Variants in XIRP2 observed in about 807,000 individuals in gnomAD.
XIRP2 encodes xin actin-binding repeat-containing protein 2.
In XIRP2, 236 loss-of-function variants were observed where a neutral mutation model predicts 277.0. The ratio of observed to expected loss-of-function variants is 0.85; its 90% confidence interval spans 0.77 to 0.95. The LOEUF (loss-of-function observed/expected upper bound fraction) is 0.95, where lower values mean the gene tolerates loss of function less well. Among genes scored for constraint, XIRP2 ranks in the 40% least tolerant of loss-of-function variants. The probability of loss-of-function intolerance (pLI) is 0.00; values close to 1 mark genes in which losing one functional copy is unlikely to be tolerated. For synonymous variants in XIRP2, 1,490 were observed against 1,416.5 expected (o/e 1.05, Z -1.17); for missense variants, 4,640 against 4,157.5 (o/e 1.12, Z -3.19).
intron 2 of XIRP2, among the ~76,000 whole-genome samples, chr2:167,105,358 C>T (rs1471548046): frequency 6.6e-6 from 1 of 151,866 alleles, no homozygotes; most frequent in African/African-American, 2.4e-5. Flanking sequence ...GATCTGTTCT[C>T]CTTTTCCATA....
At chr2:167,132,131 C>T (rs899768503) in intron 2 of XIRP2, among the ~76,000 whole-genome samples, 12 of 152,170 alleles carry the variant, frequency 7.9e-5, no homozygotes, top group Admixed American at 2.0e-4. Context: ...CATCATCATT[C>T]TTTCTTTAAG....
chr2:167,220,648 A>C (rs1233893548), intron 5 of XIRP2, among the ~76,000 whole-genome samples: 2 of 152,192 alleles, frequency 1.3e-5, no homozygotes, highest in Non-Finnish European at 2.9e-5. Context: ...TTTTCCCAGA[A>C]GTCCCAAGAA....
At chr2:166,913,283 C>G (rs1684763245) in intron 2 of XIRP2, among the ~76,000 whole-genome samples, 1 of 149,080 alleles carries the variant, frequency 6.7e-6, no homozygotes, top group Non-Finnish European at 1.5e-5. Flanking sequence ...ACTTTGTTTA[C>G]CTACTTAAGC....
At chr2:166,909,192 A>G (rs1020783180) in intron 2 of XIRP2, among the ~76,000 whole-genome samples, 4 of 152,182 alleles carry the variant, frequency 2.6e-5, no homozygotes, top group African/African-American at 9.7e-5. Flanking sequence ...CATTGAATCT[A>G]TAAATTACCT....
At position 166,903,740 on chromosome 2, in the gene XIRP2, C is replaced by T; in HGVS notation, c.258C>T (p.Asn86=). The change falls in exon 2 of 11, where the codon AAC becomes AAT. Residue 86 remains asparagine, a synonymous_variant. Coordinates refer to ENST00000409195, the MANE Select transcript of XIRP2 (RefSeq NM_152381.6). ...EEKDSVDKSN[N]TREYGRPEVL... is the part of the protein sequence containing the mutation. ...AGGATTCTGTGGACAAGAGTAACAACACCAGGGAATATGGTCGGCCAGAAG... is the reference window on the plus strand; with the variant it reads ...AGGATTCTGTGGACAAGAGTAACAATACCAGGGAATATGGTCGGCCAGAAG... 3 of 1,613,666 alleles carry T rather than the reference C, an allele frequency of 1.9e-6. No homozygotes were observed. The highest frequency in any genetic ancestry group is 8.5e-7 in the Non-Finnish European group (1 of 1,179,798).
chr2:167,208,544 G>C (rs995203694), intron 3 of XIRP2, among the ~76,000 whole-genome samples: 2 of 152,098 alleles, frequency 1.3e-5, no homozygotes, highest in African/African-American at 4.8e-5. Context: ...TCCTGACCTC[G>C]TGATCTGCCC....
At chr2:167,098,627 G>T (rs952368672) in intron 2 of XIRP2, among the ~76,000 whole-genome samples, 1 of 152,138 alleles carries the variant, frequency 6.6e-6, no homozygotes. Context: ...GAGGCATTCT[G>T]GTTTTGGAAT....
At chr2:167,174,519 G>A (rs1028056687) in intron 3 of XIRP2, among the ~76,000 whole-genome samples, 2 of 151,714 alleles carry the variant, frequency 1.3e-5, no homozygotes, top group African/African-American at 4.8e-5. Flanking sequence ...TTCTTTATTA[G>A]TCTGGCTAGC....
At chr2:167,030,609 T>C (rs1012960278) in intron 2 of XIRP2, among the ~76,000 whole-genome samples, 1 of 152,242 alleles carries the variant, frequency 6.6e-6, no homozygotes, top group Non-Finnish European at 1.5e-5. Context: ...TTGCATTTGC[T>C]GAGGAGTGTT....
At chr2:167,133,828 A>G (rs182241583) in intron 2 of XIRP2, among the ~76,000 whole-genome samples, 1 of 152,314 alleles carries the variant, frequency 6.6e-6, no homozygotes, top group East Asian at 1.9e-4. Context: ...GAACTGAGAT[A>G]AGGATGTTAT....
intron 2 of XIRP2, among the ~76,000 whole-genome samples, chr2:167,098,095 G>A (rs1250556508): frequency 2.0e-5 from 3 of 152,164 alleles, no homozygotes; most frequent in Admixed American, 1.3e-4. Flanking sequence ...ATGTTGGCCT[G>A]TCTTGCTAGG....
At chr2:167,014,804 A>G (rs1050031985) in intron 2 of XIRP2, among the ~76,000 whole-genome samples, 1 of 151,792 alleles carries the variant, frequency 6.6e-6, no homozygotes, top group Non-Finnish European at 1.5e-5. Flanking sequence ...GTTCTATTTT[A>G]CAGTTAAGAA....
chr2:167,144,343 C>T (rs557692309), intron 3 of XIRP2, among the ~76,000 whole-genome samples: 1 of 152,178 alleles, frequency 6.6e-6, no homozygotes, highest in African/African-American at 2.4e-5. Context: ...TTATTTACAA[C>T]TTCCTAACTG....
intron 2 of XIRP2, among the ~76,000 whole-genome samples, chr2:167,038,520 A>G (rs1384514448): frequency 1.3e-5 from 2 of 150,766 alleles, no homozygotes; most frequent in Non-Finnish European, 2.9e-5. Context: ...CAGAAATTCT[A>G]TCCAGAGAAA....
At chr2:167,017,650 T>G (rs912107340) in intron 2 of XIRP2, among the ~76,000 whole-genome samples, 2 of 151,964 alleles carry the variant, frequency 1.3e-5, no homozygotes, top group African/African-American at 4.8e-5. Context: ...GTGATGCCAT[T>G]CCTGCTTCCA....
chr2:166,916,282 G>A (rs1684876963), intron 2 of XIRP2, among the ~76,000 whole-genome samples: 1 of 152,116 alleles, frequency 6.6e-6, no homozygotes, highest in Non-Finnish European at 1.5e-5. Flanking sequence ...AGACATGTGG[G>A]ACTAGGGGAT....
intron 4 of XIRP2, among the ~76,000 whole-genome samples, chr2:167,212,810 A>G (rs555467498): frequency 3.4e-4 from 52 of 152,108 alleles, no homozygotes; most frequent in Non-Finnish European, 5.6e-4. Context: ...ATATTATCTC[A>G]GCAGAATCCT....
Position 167,243,060 on chromosome 2 carries a change from T to A in XIRP2, c.1668T>A (p.Asp556Glu). The change falls in exon 9 of 11, where the codon GAT becomes GAA. Residue 556 changes from aspartate (D) to glutamate (E), a missense_variant. Asp to Glu is a conservative substitution (Grantham distance 45, BLOSUM62 2). Transcript: ENST00000409195. ...FENTNDSSQK[D>E]LNSEREYLEW... ...ACACAAATGACAGTTCTCAAAAAGA[T>A]CTGAACTCAGAAAGAGAATACTTGG... is the stretch of plus-strand genomic sequence containing the variant. 1 of 1,614,106 alleles carries A rather than the reference T, an allele frequency of 6.2e-7. No homozygotes were observed. Among genetic ancestry groups the A allele is most frequent in the Non-Finnish European group, 8.5e-7 (1 of 1,179,998 alleles).
At chr2:166,939,686 AAAAAAAAAAAAAC>A (rs1214507024) in intron 2 of XIRP2, among the ~76,000 whole-genome samples, 3 of 126,830 alleles carry the variant, frequency 2.4e-5, no homozygotes, top group African/African-American at 8.5e-5. Flanking sequence ...TCACAAAAAA[AAAAAAAAAAAAAC>A]AAAAAACAAA....
Sources: allele counts gnomAD v4.1 joint callset (sites outside exome capture counted in the v4.1 genomes callset), GRCh38; gene constraint gnomAD v4.1.1; transcripts MANE v1.5; gene names NCBI Gene and HGNC (gene_info 2026-07-23, HGNC 2026-07-21).